KCNQ3: variants seen among roughly 807,000 people sequenced by gnomAD.
KCNQ3 encodes potassium voltage-gated channel subfamily Q member 3, also known as potassium voltage-gated channel subfamily KQT member 3.
A neutral mutation model predicts 92.5 loss-of-function variants in KCNQ3; 30 were observed. That is an observed-to-expected ratio of 0.32 (90% CI 0.24 to 0.44). The LOEUF is 0.44. Among genes scored for constraint, KCNQ3 ranks in the 20% least tolerant of loss-of-function variants. KCNQ3 has a pLI of 1.00. For missense variants in KCNQ3, 913 were observed against 1,140.3 expected, an observed-to-expected ratio of 0.80 and a Z score of 2.87; for synonymous variants, 450 against 468.8, an observed-to-expected ratio of 0.96 and a Z score of 0.52.
At chr8:132,256,157 G>A (rs753179437) in intron 1 of KCNQ3, among the ~76,000 whole-genome samples, 1 of 151,682 alleles carries the variant, frequency 6.6e-6, no homozygotes, top group Admixed American at 6.6e-5. Flanking sequence ...TACCAAATAG[G>A]TTATATTGAC....
At chr8:132,266,042 C>T (rs2130484621) in intron 1 of KCNQ3, among the ~76,000 whole-genome samples, 1 of 152,302 alleles carries the variant, frequency 6.6e-6, no homozygotes, top group East Asian at 1.9e-4. Context: ...TCTCTTAGAG[C>T]CATGGATTTC....
Position 132,154,193 on chromosome 8 carries a change from G to GTTTTTTTTTTTT in KCNQ3, c.1262+9263_1262+9274dup, listed in dbSNP as rs869112851. ...CTGATGTACCATCAAAAGGGTAAAA[G>GTTTTTTTTTTTT]TTTTTTTTTTTTTTTTTTTTTTTTT... On this transcript the variant is annotated intron_variant, in intron 9 of 14. Transcript: ENST00000388996. 7.7e-3 allele frequency among the ~76,000 whole-genome samples: 212 copies of GTTTTTTTTTTTT among 27,440 alleles called. 17 individuals are homozygous for GTTTTTTTTTTTT. The highest frequency in any genetic ancestry group is 0.01 in the Non-Finnish European group (149 of 14,640). 18.0% of individuals were successfully genotyped at this position (27,440 alleles called of 152,430 possible).
chr8:132,353,237 C>T (rs1015902825), intron 1 of KCNQ3, among the ~76,000 whole-genome samples: 1 of 151,886 alleles, frequency 6.6e-6, no homozygotes, highest in Middle Eastern at 3.2e-3. Context: ...CCCCGACCCC[C>T]AGCCCTCCGC....
chr8:132,347,751 G>A (rs1297670894), intron 1 of KCNQ3, among the ~76,000 whole-genome samples: 2 of 152,106 alleles, frequency 1.3e-5, no homozygotes, highest in East Asian at 3.9e-4. Context: ...GCCGAGGCGG[G>A]CAGATCACGA....
chr8:132,459,041 T>A (rs1265384841), intron 1 of KCNQ3, among the ~76,000 whole-genome samples: 1 of 152,230 alleles, frequency 6.6e-6, no homozygotes, highest in African/African-American at 2.4e-5. Flanking sequence ...TTTCTCAGTC[T>A]TTCCTTGTTT....
intron 1 of KCNQ3, among the ~76,000 whole-genome samples, chr8:132,230,320 C>T (rs1160493666): frequency 6.6e-6 from 1 of 151,994 alleles, no homozygotes; most frequent in African/African-American, 2.4e-5. Flanking sequence ...AAGATAAAGC[C>T]CCCCCGCCCA....
chr8:132,248,643 T>C (rs912358731), intron 1 of KCNQ3, among the ~76,000 whole-genome samples: 1 of 152,122 alleles, frequency 6.6e-6, no homozygotes, highest in Admixed American at 6.5e-5. Flanking sequence ...GTCTTTCCAC[T>C]CCCATATGCG....
intron 1 of KCNQ3, among the ~76,000 whole-genome samples, chr8:132,379,824 T>A (rs1041861158): frequency 6.6e-6 from 1 of 151,978 alleles, no homozygotes; most frequent in Admixed American, 6.5e-5. Context: ...TTGCTATTAC[T>A]ACTGGGGCTA....
intron 1 of KCNQ3, among the ~76,000 whole-genome samples, chr8:132,336,075 G>C (rs1818361019): frequency 6.6e-6 from 1 of 152,186 alleles, no homozygotes; most frequent in Non-Finnish European, 1.5e-5. Context: ...AAATTAATCT[G>C]TGTTCTCACC....
At chr8:132,478,978 G>C (rs778581260) in intron 1 of KCNQ3, among the ~76,000 whole-genome samples, 4 of 151,982 alleles carry the variant, frequency 2.6e-5, no homozygotes, top group Non-Finnish European at 4.4e-5. Flanking sequence ...GGGAGAGAGG[G>C]GGGAGGGGGG....
intron 1 of KCNQ3, among the ~76,000 whole-genome samples, chr8:132,442,531 T>C (rs1563913818): frequency 2.0e-5 from 3 of 152,180 alleles, no homozygotes; most frequent in Admixed American, 1.3e-4. Flanking sequence ...CTAAAATGTA[T>C]TTTCAGAATG....
intron 8 of KCNQ3, among the ~76,000 whole-genome samples, chr8:132,166,009 C>G (rs576305285): frequency 3.9e-5 from 6 of 152,220 alleles, no homozygotes; most frequent in African/African-American, 1.4e-4. Flanking sequence ...TAATCTTGAC[C>G]CTGGTCGTAA....
intron 1 of KCNQ3, among the ~76,000 whole-genome samples, chr8:132,443,615 C>T (rs998421696): frequency 6.6e-6 from 1 of 152,226 alleles, no homozygotes; most frequent in African/African-American, 2.4e-5. Flanking sequence ...CACAGATACA[C>T]AAGGCTGATT....
At chr8:132,427,822 G>A (rs1236405095) in intron 1 of KCNQ3, among the ~76,000 whole-genome samples, 1 of 152,192 alleles carries the variant, frequency 6.6e-6, no homozygotes, top group Admixed American at 6.5e-5. Flanking sequence ...AAGAGAAAAT[G>A]GCCCAGGTTG....
chr8:132,406,304 C>T (rs899351882), intron 1 of KCNQ3, among the ~76,000 whole-genome samples: 2 of 152,050 alleles, frequency 1.3e-5, no homozygotes, highest in Admixed American at 6.6e-5. Flanking sequence ...GGAGGGGACT[C>T]GGGAGGATGG....
At chr8:132,476,487 A>G (rs182742872) in intron 1 of KCNQ3, among the ~76,000 whole-genome samples, 2 of 152,356 alleles carry the variant, frequency 1.3e-5, no homozygotes, top group East Asian at 3.9e-4. Context: ...CAAGCCTTGC[A>G]TTAGGGTGGC....
intron 1 of KCNQ3, among the ~76,000 whole-genome samples, 155 bp downstream of exon 1, chr8:132,479,992 A>ACACACACACACACC (rs1191748667): frequency 4.1e-5 from 6 of 146,970 alleles, no homozygotes; most frequent in South Asian, 4.3e-4. Flanking sequence ...ACACACACAC[A>ACACACACACACACC]CCCAGGGAAA....
At chr8:132,198,214 T>A (rs557957290) in intron 1 of KCNQ3, among the ~76,000 whole-genome samples, 5 of 152,310 alleles carry the variant, frequency 3.3e-5, no homozygotes, top group African/African-American at 1.2e-4. Flanking sequence ...AAAAGAAAGC[T>A]TGGAAGAGAA....
chr8:132,283,317 C>G (rs944352037), intron 1 of KCNQ3, among the ~76,000 whole-genome samples: 1 of 152,052 alleles, frequency 6.6e-6, no homozygotes, highest in Non-Finnish European at 1.5e-5. Flanking sequence ...ATAAAGTAGA[C>G]TCTATTCAGC....
Sources: gnomAD v4.1 joint callset for allele counts (sites outside exome capture counted in the v4.1 genomes callset) on GRCh38, gnomAD v4.1.1 for gene constraint, MANE v1.5 for transcripts, NCBI Gene and HGNC (gene_info 2026-07-23, HGNC 2026-07-21) for gene names.